Variants in TRAPPC8 observed in about 807,000 individuals in gnomAD.
TRAPPC8 encodes trafficking protein particle complex subunit 8.
Under a neutral mutation model 174.3 loss-of-function variants are expected in TRAPPC8, and 54 were observed. That is an observed-to-expected ratio of 0.31 (90% CI 0.25 to 0.39). The LOEUF (loss-of-function observed/expected upper bound fraction) is 0.39, where lower values mean the gene tolerates loss of function less well. Ranked by LOEUF, TRAPPC8 falls within the 10% of genes least tolerant of loss-of-function variation. TRAPPC8 has a pLI of 1.00. For missense variants in TRAPPC8, 1,531 were observed against 1,699.1 expected (o/e 0.90, Z 1.74); for synonymous variants, 630 against 579.9 (o/e 1.09, Z -1.24).
chr18:31,931,405 A>G lies in TRAPPC8; in HGVS notation c.276T>C (p.Val92=). The G allele has an allele frequency of 6.2e-7, 1 of 1,612,872 alleles. No individual in the cohort carries two copies. Among genetic ancestry groups the G allele is most frequent in the South Asian group, 1.1e-5 (1 of 90,826 alleles). ...PGAIRKLLND[V]VSGSQPAEGL... is the part of the protein sequence containing the mutation. The stretch of plus-strand genomic sequence containing the variant: ...CTTCTGCAGGCTGACTGCCAGAAAC[A>G]ACATCATTCAAAAGCTTCCGGATGG... The change falls in exon 2 of 29, where the codon GTT becomes GTC. Residue 92 remains valine, a synonymous_variant. Transcript: ENST00000283351.
chr18:31,904,627 T>C (rs1269899693), intron 9 of TRAPPC8, among the ~76,000 whole-genome samples: 1 of 152,244 alleles, frequency 6.6e-6, no homozygotes, highest in Non-Finnish European at 1.5e-5. Flanking sequence ...ATATCTATTT[T>C]AGAATGCCTC....
intron 10 of TRAPPC8, among the ~76,000 whole-genome samples, chr18:31,898,981 T>C (rs142473702): frequency 6.6e-6 from 1 of 152,336 alleles, no homozygotes; most frequent in African/African-American, 2.4e-5. Context: ...ACAGTATTTA[T>C]TTTTGAAACA....
intron 20 of TRAPPC8, among the ~76,000 whole-genome samples, chr18:31,857,008 A>G (rs779135864): frequency 7.2e-5 from 11 of 152,104 alleles, no homozygotes; most frequent in Non-Finnish European, 1.6e-4. Context: ...TGAACAAAAT[A>G]TAGGTCATAG....
chr18:31,846,252 C>T (rs2033395097), intron 26 of TRAPPC8, among the ~76,000 whole-genome samples: 1 of 152,102 alleles, frequency 6.6e-6, no homozygotes, highest in South Asian at 2.1e-4. Context: ...TCTTCTGTCA[C>T]CAACACCCAA....
intron 26 of TRAPPC8, among the ~76,000 whole-genome samples, chr18:31,839,707 A>T (rs1841628350): frequency 6.6e-6 from 1 of 152,192 alleles, no homozygotes; most frequent in Non-Finnish European, 1.5e-5. Context: ...CAGTAGCTTT[A>T]CATATTAGCT....
intron 26 of TRAPPC8, 59 bp from the exon 27 acceptor site, chr18:31,839,516 A>T: frequency 6.7e-7 from 1 of 1,492,890 alleles, no homozygotes; most frequent in Non-Finnish European, 9.0e-7. Context: ...TAAAAAAAAA[A>T]AAAGCATAGT....
At chr18:31,863,227 A>G (rs2034422733) in intron 19 of TRAPPC8, among the ~76,000 whole-genome samples, 2 of 152,218 alleles carry the variant, frequency 1.3e-5, no homozygotes, top group Admixed American at 6.5e-5. Flanking sequence ...GATATTATCC[A>G]GAATGACACA....
intron 12 of TRAPPC8, among the ~76,000 whole-genome samples, chr18:31,889,167 G>C (rs2035851481): frequency 6.6e-6 from 1 of 152,114 alleles, no homozygotes; most frequent in Non-Finnish European, 1.5e-5. Flanking sequence ...TCATGAAATA[G>C]CAAACTCAGC....
chr18:31,841,246 A>T (rs917015125), intron 26 of TRAPPC8, among the ~76,000 whole-genome samples: 7 of 152,154 alleles, frequency 4.6e-5, no homozygotes, highest in Non-Finnish European at 1.0e-4. Context: ...AGAGAAAAGA[A>T]AACCAGAATT....
chr18:31,839,260 A>G, intron 27 of TRAPPC8, 52 bp downstream of exon 27: 1 of 1,540,324 alleles, frequency 6.5e-7, no homozygotes. Context: ...AGAAACAAAT[A>G]CACGTGCCAG....
intron 1 of TRAPPC8, among the ~76,000 whole-genome samples, chr18:31,932,083 TG>T (rs1330321732): frequency 1.3e-5 from 2 of 152,104 alleles, no homozygotes; most frequent in African/African-American, 4.8e-5. Flanking sequence ...CTGTACTTTC[TG>T]CTCAAATTTG....
At chr18:31,925,716 A>AT (rs1469401776) in intron 2 of TRAPPC8, among the ~76,000 whole-genome samples, 1 of 152,216 alleles carries the variant, frequency 6.6e-6, no homozygotes, top group African/African-American at 2.4e-5. Flanking sequence ...AATAGCAGGG[A>AT]TGAAGACCTT....
chr18:31,927,504 G>A (rs28540496), intron 2 of TRAPPC8, among the ~76,000 whole-genome samples: 39,297 of 151,848 alleles, frequency 0.26, 5,372 homozygotes, highest in Middle Eastern at 0.39. Flanking sequence ...TGATCCACCC[G>A]TCTCAGCCTC....
At chr18:31,902,031 C>T (rs2036450098) in intron 9 of TRAPPC8, among the ~76,000 whole-genome samples, 1 of 152,204 alleles carries the variant, frequency 6.6e-6, no homozygotes, top group Non-Finnish European at 1.5e-5. Context: ...ATATGCTGAA[C>T]TGGCCGGGTG....
intron 11 of TRAPPC8, among the ~76,000 whole-genome samples, chr18:31,892,000 G>C (rs1240273855): frequency 2.0e-5 from 3 of 152,168 alleles, no homozygotes; most frequent in Non-Finnish European, 2.9e-5. Flanking sequence ...AAGCTAGTAA[G>C]TAAAAAAGTC....
chr18:31,838,562 A>T (rs776515695), intron 27 of TRAPPC8, among the ~76,000 whole-genome samples: 1 of 152,154 alleles, frequency 6.6e-6, no homozygotes, highest in Non-Finnish European at 1.5e-5. Flanking sequence ...TCAACGCGGT[A>T]TCTTTACTTT....
intron 27 of TRAPPC8, among the ~76,000 whole-genome samples, chr18:31,834,950 TG>T (rs1469647540): frequency 6.6e-6 from 1 of 152,196 alleles, no homozygotes; most frequent in Non-Finnish European, 1.5e-5. Context: ...TTAACTGTAT[TG>T]TCCTCTCAAC....
chr18:31,930,958 C>T (rs977803655), intron 2 of TRAPPC8, among the ~76,000 whole-genome samples: 10 of 152,072 alleles, frequency 6.6e-5, no homozygotes, highest in Admixed American at 1.3e-4. Context: ...AAGTTAAAGA[C>T]GTACTCACAA....
intron 9 of TRAPPC8, among the ~76,000 whole-genome samples, chr18:31,903,657 T>A (rs2036538678): frequency 6.6e-6 from 1 of 152,206 alleles, no homozygotes; most frequent in African/African-American, 2.4e-5. Context: ...ATATCCACTA[T>A]CTTATAGACA....
Sources: allele counts gnomAD v4.1 joint callset (sites outside exome capture counted in the v4.1 genomes callset), GRCh38; gene constraint gnomAD v4.1.1; transcripts MANE v1.5; gene names NCBI Gene and HGNC (gene_info 2026-07-23, HGNC 2026-07-21).